Variants in MYH9 observed in about 807,000 individuals in gnomAD.
MYH9 encodes myosin heavy chain 9, also known as myosin-9.
Under a neutral mutation model 241.9 loss-of-function variants are expected in MYH9, and 29 were observed. That is an observed-to-expected ratio of 0.12 (90% CI 0.09 to 0.16). The LOEUF (loss-of-function observed/expected upper bound fraction) is 0.16, where lower values mean the gene tolerates loss of function less well. Among genes scored for constraint, MYH9 ranks in the 10% least tolerant of loss-of-function variants. The probability of loss-of-function intolerance (pLI) is 1.00; values close to 1 mark genes in which losing one functional copy is unlikely to be tolerated. For missense variants in MYH9, 1,803 were observed against 2,595.5 expected, an observed-to-expected ratio of 0.69 and a Z score of 6.63; for synonymous variants, 1,047 against 1,062.6, an observed-to-expected ratio of 0.99 and a Z score of 0.29.
chr22:36,369,841 A>C (rs1370422133), intron 1 of MYH9, among the ~76,000 whole-genome samples: 1 of 152,330 alleles, frequency 6.6e-6, no homozygotes, highest in African/African-American at 2.4e-5. Context: ...TAGATCATTC[A>C]CTTGCTACCT....
chr22:36,316,394 C>T, intron 12 of MYH9, 123 bp downstream of exon 12: 1 of 1,423,078 alleles, frequency 7.0e-7, no homozygotes, highest in Non-Finnish European at 9.9e-7. Flanking sequence ...CCAAAGTCTT[C>T]ATGCAAAGGA....
Position 36,376,181 on chromosome 22 carries a change from G to A in MYH9, c.-20+11626C>T, listed in dbSNP as rs543078637. On this transcript the variant is annotated intron_variant, in intron 1 of 40. Transcript: ENST00000216181. ...TCACTGTGTTGGCCAGGCTGGTCTCGAACTCCTGACCTCAGGTGATCCACC... is the reference window on the plus strand; with the variant it reads ...TCACTGTGTTGGCCAGGCTGGTCTCAAACTCCTGACCTCAGGTGATCCACC... 3.9e-5 allele frequency among the ~76,000 whole-genome samples: 6 copies of A among 151,972 alleles called. No individual in the cohort carries two copies. The East Asian group carries it at 7.7e-4, about 20-fold the overall frequency.
At chr22:36,339,764 G>C (rs1031311703) in intron 3 of MYH9, among the ~76,000 whole-genome samples, 1 of 152,192 alleles carries the variant, frequency 6.6e-6, no homozygotes, top group Admixed American at 6.5e-5. Flanking sequence ...ATCCATACAA[G>C]ATAGGAGAAC....
rs150205147 is a variant in MYH9, at chr22:36,374,108, C to A, written c.-20+13699G>T. ...TTTAAAAACAGAAGAACTGGCTGGG[C>A]GCGGTGGCTCACACCTGTAATTCTA... On this transcript the variant is annotated intron_variant, in intron 1 of 40. Transcript: ENST00000216181. 2.4e-4 allele frequency among the ~76,000 whole-genome samples: 37 copies of A among 151,724 alleles called. No individual in the cohort carries two copies. The East Asian group carries it at 6.2e-3, about 25-fold the overall frequency.
chr22:36,301,583 T>C lies in MYH9; in HGVS notation c.2582A>G (p.Gln861Arg), dbSNP rs747918904. The stretch of plus-strand genomic sequence containing the variant: ...CGTGAGCCTGTTCTCCGCAGCCAGC[T>C]GCTTCTCTCTGACCTTCACCAGCTC... ...EEELVKVREK[Q>R]LAAENRLTEM... The change falls in exon 21 of 41, where the codon CAG becomes CGG. Residue 861 changes from glutamine to arginine, a missense_variant. By Grantham distance (43) the Gln-to-Arg change is conservative (BLOSUM62 1). Transcript: ENST00000216181. 1.2e-6 allele frequency: 2 copies of C among 1,614,052 alleles called. No homozygotes were observed. The highest frequency in any genetic ancestry group is 2.2e-5 in the South Asian group (2 of 91,088).
At chr22:36,287,942 T>A (rs1369019477) in intron 34 of MYH9, among the ~76,000 whole-genome samples, 1 of 152,164 alleles carries the variant, frequency 6.6e-6, no homozygotes, top group East Asian at 1.9e-4. Flanking sequence ...AGGACCCGGG[T>A]GATTCTGGAA....
chr22:36,317,236 C>T (rs922609840), intron 11 of MYH9, among the ~76,000 whole-genome samples: 4 of 152,192 alleles, frequency 2.6e-5, no homozygotes, highest in African/African-American at 9.6e-5. Context: ...TTTACACTCT[C>T]CCCTCTTCTT....
In MYH9 at chr22:36,288,741, GCTT is replaced by G. The variant is rs770925540; in HGVS notation, c.4753_4755del (p.Lys1585del). 7.5e-6 allele frequency: 12 copies of G among 1,604,432 alleles called. No individual in the cohort carries two copies. Among genetic ancestry groups the G allele is most frequent in the Non-Finnish European group, 1.0e-5 (12 of 1,179,954 alleles). On this transcript the variant is annotated inframe_deletion, in exon 33 of 41. Transcript: ENST00000216181. The surrounding 1 kb of genome is among the most constrained non-coding windows in gnomAD (Gnocchi z 4.8). ...GCCATGCACACCTGTCTGACCAGCT[GCTT>G]CTTCTTCTCCTCGCTCTGCTCGTCC...
rs2016779467 is a variant in MYH9 at position 36,295,812 on chromosome 22, GCTGCCTC to G, written c.3273-102_3273-96del. On this transcript the variant is annotated intron_variant, in intron 25 of 40. Transcript: ENST00000216181. The surrounding 1 kb of genome is among the most constrained non-coding windows in gnomAD (Gnocchi z 4.1). ...GCCTGAGAGAGCTGCAGCAGCCAAA[GCTGCCTC>G]CTGTGGTCACAATCATGGCACTTAG... 6.1e-6 allele frequency: 7 copies of G among 1,156,810 alleles called. No individual in the cohort carries two copies. The South Asian group carries it at 9.1e-5, about 15-fold the overall frequency. The allele number at this position is 1,156,810 out of a possible 1,614,324, so 71.7% of individuals were successfully genotyped here.
chr22:36,337,402 G>A (rs2017516811), intron 3 of MYH9, among the ~76,000 whole-genome samples: 1 of 152,134 alleles, frequency 6.6e-6, no homozygotes. Flanking sequence ...CCTCCAAACT[G>A]GGATGCTTCT....
In MYH9 at chr22:36,349,193, T is replaced by C; in HGVS notation, c.44A>G (p.Asn15Ser). ...AADKYLYVDKNFINNPLAQAD... is the reference protein window; with the variant it reads ...AADKYLYVDKSFINNPLAQAD... ...CTGGGCCAGCGGATTGTTGATGAAG[T>C]TTTTATCCACATAGAGATACTTATC... The change falls in exon 2 of 41, where the codon AAC becomes AGC. Residue 15 changes from asparagine (N) to serine (S), a missense_variant. Physicochemically the swap from Asn to Ser is conservative, Grantham distance 46 (BLOSUM62 1). Coordinates refer to ENST00000216181, the MANE Select transcript of MYH9 (RefSeq NM_002473.6). The C allele has an allele frequency of 6.2e-7, 1 of 1,614,164 alleles. No homozygotes were observed. Among genetic ancestry groups the C allele is most frequent in the Non-Finnish European group, 8.5e-7 (1 of 1,180,030 alleles).
intron 3 of MYH9, among the ~76,000 whole-genome samples, chr22:36,340,338 G>T (rs1268841539): frequency 2.6e-5 from 4 of 151,974 alleles, no homozygotes; most frequent in African/African-American, 9.7e-5. Flanking sequence ...ATGACCAGCT[G>T]GTGGAAGCAC....
chr22:36,341,139 A>G (rs1250166989), intron 3 of MYH9, among the ~76,000 whole-genome samples: 3 of 152,224 alleles, frequency 2.0e-5, no homozygotes, highest in Non-Finnish European at 4.4e-5. Context: ...GAGAAAGATT[A>G]GGAAATGTAT....
intron 5 of MYH9, among the ~76,000 whole-genome samples, chr22:36,325,763 T>C (rs986179894): frequency 2.0e-5 from 3 of 151,848 alleles, no homozygotes; most frequent in African/African-American, 7.3e-5. Flanking sequence ...ATGACTGGAG[T>C]TTCTGAGAAC....
intron 12 of MYH9, among the ~76,000 whole-genome samples, chr22:36,314,534 G>A (rs933447952): frequency 1.3e-5 from 2 of 152,140 alleles, no homozygotes; most frequent in Non-Finnish European, 1.5e-5. Flanking sequence ...CGGGCAGTCT[G>A]GTAAAGCCTT....
chr22:36,323,038 C>T (rs1240379265), intron 5 of MYH9, among the ~76,000 whole-genome samples: 1 of 152,238 alleles, frequency 6.6e-6, no homozygotes, highest in East Asian at 1.9e-4. Flanking sequence ...CCAGCCCCTC[C>T]ACTGCCGCGT....
intron 1 of MYH9, among the ~76,000 whole-genome samples, chr22:36,385,392 C>CTACA (rs1569537427): frequency 6.6e-6 from 1 of 152,166 alleles, no homozygotes; most frequent in Non-Finnish European, 1.5e-5. Flanking sequence ...CCCTACCAGG[C>CTACA]TACACAACAA....
At chr22:36,363,097 A>G (rs1371918046) in intron 1 of MYH9, among the ~76,000 whole-genome samples, 1 of 152,186 alleles carries the variant, frequency 6.6e-6, no homozygotes, top group Non-Finnish European at 1.5e-5. Context: ...ACAGACTGAG[A>G]GTCCCCAAAA....
At chr22:36,291,559 C>G (rs988275167) in intron 31 of MYH9, among the ~76,000 whole-genome samples, 1 of 152,036 alleles carries the variant, frequency 6.6e-6, no homozygotes, top group Non-Finnish European at 1.5e-5. Flanking sequence ...AAAGGGTCCT[C>G]TGCCTAGGAA....
Sources: gnomAD v4.1 joint callset for allele counts (sites outside exome capture counted in the v4.1 genomes callset) on GRCh38, gnomAD v4.1.1 for gene constraint, Gnocchi (gnomAD v3.1) non-coding constraint, MANE v1.5 for transcripts, NCBI Gene and HGNC (gene_info 2026-07-23, HGNC 2026-07-21) for gene names.